ARMC9: variants seen among roughly 807,000 people sequenced by gnomAD.
ARMC9 encodes lisH domain-containing protein ARMC9.
ARMC9 carries 94 observed loss-of-function variants against 107.0 expected under a neutral mutation model. The observed-to-expected ratio is 0.88, with a 90% CI of 0.74 to 1.04. ARMC9 has a LOEUF of 1.04. Among genes scored for constraint, ARMC9 ranks in the 50% least tolerant of loss-of-function variants. The pLI is 0.00. For synonymous variants in ARMC9, 380 were observed against 396.9 expected, an observed-to-expected ratio of 0.96 and a Z score of 0.51; for missense variants, 942 against 1,030.1, an observed-to-expected ratio of 0.91 and a Z score of 1.17.
intron 2 of ARMC9, among the ~76,000 whole-genome samples, chr2:231,207,381 A>G (rs1157104570): frequency 6.6e-6 from 1 of 152,176 alleles, no homozygotes; most frequent in Non-Finnish European, 1.5e-5. Flanking sequence ...GCTGGTCTCA[A>G]AGTCCTAGGC....
chr2:231,337,724 T>C (rs2044230519), intron 20 of ARMC9, among the ~76,000 whole-genome samples: 1 of 152,108 alleles, frequency 6.6e-6, no homozygotes, highest in African/African-American at 2.4e-5. Context: ...TCACCCGGCC[T>C]CAATGTCTAT....
At chr2:231,331,720 C>A in intron 19 of ARMC9, 73 bp from the exon 20 acceptor site, 1 of 1,321,100 alleles carries the variant, frequency 7.6e-7, no homozygotes. Flanking sequence ...GACAGCTACA[C>A]ATTCTGGGGA....
In ARMC9 at chr2:231,368,524, G is replaced by A. The variant is rs1430498638; in HGVS notation, c.2262-1429G>A. 2.0e-5 allele frequency among the ~76,000 whole-genome samples: 3 copies of A among 152,324 alleles called. No homozygotes were observed. The East Asian group carries it at 5.8e-4, about 29-fold the overall frequency. On this transcript the variant is annotated intron_variant, in intron 23 of 24. Coordinates refer to ENST00000611582, the MANE Select transcript of ARMC9 (RefSeq NM_001352754.2). ...GGGATGAGACTCATAAAAGCAGAGT[G>A]GTAACAGGAGCCTGTAACTGTACCC...
At chr2:231,241,217 T>A (rs1000653407) in intron 9 of ARMC9, among the ~76,000 whole-genome samples, 13 of 139,152 alleles carry the variant, frequency 9.3e-5, no homozygotes, top group South Asian at 4.5e-4. Context: ...AAAAAAAAAA[T>A]AGAACATTTC....
At chr2:231,294,073 G>A (rs796751838) in intron 18 of ARMC9, 1 of 146,518 alleles carries the variant, frequency 6.8e-6, no homozygotes, top group African/African-American at 2.4e-5. Flanking sequence ...AAACATCTCT[G>A]TGGGTTTTCA....
At position 231,258,953 on chromosome 2, in the gene ARMC9, G is replaced by T. The variant is rs1268120915; in HGVS notation, c.915-38G>T. ...GGAGGTGTAATAAACATGCCCTTTT[G>T]CCCTTTTCTTTCTCTTTGAACTTGT... On this transcript the variant is annotated intron_variant, in intron 10 of 24. Transcript: ENST00000611582. 5.8e-6 allele frequency: 9 copies of T among 1,541,128 alleles called. No homozygotes were observed. The African/African-American group carries it at 1.2e-4, about 21-fold the overall frequency.
intron 12 of ARMC9, among the ~76,000 whole-genome samples, chr2:231,265,078 CAG>C (rs2125419227): frequency 6.6e-6 from 1 of 151,294 alleles, no homozygotes; most frequent in African/African-American, 2.4e-5. Context: ...AGCCTGGCGA[CAG>C]AGTGAGACTG....
chr2:231,322,153 C>G (rs2125536681), intron 19 of ARMC9, among the ~76,000 whole-genome samples: 1 of 152,362 alleles, frequency 6.6e-6, no homozygotes, highest in African/African-American at 2.4e-5. Context: ...TAGAGGGAGA[C>G]TTCTCCGCGT....
At chr2:231,225,351 C>A (rs2034541705) in intron 6 of ARMC9, among the ~76,000 whole-genome samples, 1 of 152,162 alleles carries the variant, frequency 6.6e-6, no homozygotes, top group East Asian at 1.9e-4. Flanking sequence ...GCTATATACC[C>A]TAGCTATATA....
chr2:231,220,113 C>T (rs534919736), intron 5 of ARMC9, among the ~76,000 whole-genome samples: 183 of 152,288 alleles, frequency 1.2e-3, no homozygotes, highest in African/African-American at 3.4e-3. Flanking sequence ...TGGGTGATCT[C>T]TTCACATCTG....
intron 11 of ARMC9, 71 bp from the exon 12 acceptor site, chr2:231,262,235 A>G (rs1160756151): frequency 3.5e-6 from 5 of 1,419,506 alleles, no homozygotes; most frequent in Non-Finnish European, 5.0e-6. Flanking sequence ...CATCTAAAAC[A>G]CACCTGCTAT....
At chr2:231,275,815 T>C (rs1389383342) in intron 14 of ARMC9, among the ~76,000 whole-genome samples, 1 of 152,146 alleles carries the variant, frequency 6.6e-6, no homozygotes, top group Non-Finnish European at 1.5e-5. Context: ...TAGCTGGGTG[T>C]GGTGGCGCAT....
intron 20 of ARMC9, among the ~76,000 whole-genome samples, chr2:231,332,914 G>A (rs2043839061): frequency 6.6e-6 from 1 of 152,202 alleles, no homozygotes; most frequent in Admixed American, 6.5e-5. Context: ...CAGCAGGTTG[G>A]TGTTGGAGAA....
chr2:231,202,441 T>G (rs780836673), intron 1 of ARMC9, among the ~76,000 whole-genome samples: 1 of 148,956 alleles, frequency 6.7e-6, no homozygotes, highest in African/African-American at 2.5e-5. Flanking sequence ...TCCTGTCTCA[T>G]CCTCCCCAGT....
Position 231,229,937 on chromosome 2 carries a change from G to C in ARMC9, c.622+3139G>C, listed in dbSNP as rs145812347. On this transcript the variant is annotated intron_variant, in intron 7 of 24. Transcript: ENST00000611582. ...AGTTAAAAAAGAAAGCTTGAGTGGCGGGGGAGAGATTTACATCACTGTTAT... is the reference window on the plus strand; with the variant it reads ...AGTTAAAAAAGAAAGCTTGAGTGGCCGGGGAGAGATTTACATCACTGTTAT... Among the ~76,000 whole-genome samples, 478 of 152,266 alleles carry C rather than the reference G, an allele frequency of 3.1e-3. 3 individuals carry two copies. The highest frequency in any genetic ancestry group is 0.011 in the African/African-American group (460 of 41,554).
At chr2:231,322,733 A>G (rs1256073421) in intron 19 of ARMC9, among the ~76,000 whole-genome samples, 2 of 152,298 alleles carry the variant, frequency 1.3e-5, no homozygotes, top group East Asian at 1.9e-4. Context: ...TTCTTGAAGT[A>G]ATCAGTTATC....
chr2:231,354,676 C>T (rs904240502), intron 21 of ARMC9, among the ~76,000 whole-genome samples: 2 of 152,212 alleles, frequency 1.3e-5, no homozygotes, highest in Non-Finnish European at 2.9e-5. Context: ...GCCACCACGC[C>T]TAGCCAGACA....
intron 9 of ARMC9, among the ~76,000 whole-genome samples, chr2:231,243,375 T>C (rs1162299335): frequency 1.3e-5 from 2 of 152,162 alleles, no homozygotes; most frequent in African/African-American, 4.8e-5. Context: ...ATCGCACCAC[T>C]GCACTCCAGC....
At chr2:231,205,092 G>C (rs569832389) in intron 1 of ARMC9, among the ~76,000 whole-genome samples, 1 of 152,088 alleles carries the variant, frequency 6.6e-6, no homozygotes, top group Non-Finnish European at 1.5e-5. Context: ...ATCTGACTGA[G>C]TGTGGTGGCT....
Sources: gnomAD v4.1 joint callset for allele counts (sites outside exome capture counted in the v4.1 genomes callset) on GRCh38, gnomAD v4.1.1 for gene constraint, MANE v1.5 for transcripts, NCBI Gene and HGNC (gene_info 2026-07-23, HGNC 2026-07-21) for gene names.